Variants in NHSL1 observed in about 807,000 individuals in gnomAD.
The protein encoded by NHSL1 is NHS like 1.
NHSL1 carries 48 observed loss-of-function variants against 95.0 expected under a neutral mutation model. The ratio of observed to expected loss-of-function variants is 0.51; its 90% CI spans 0.40 to 0.64. The LOEUF (loss-of-function observed/expected upper bound fraction) is 0.64. Among genes scored for constraint, NHSL1 ranks in the 30% least tolerant of loss-of-function variants. The pLI, the probability that NHSL1 is intolerant of heterozygous loss-of-function variation, is 0.00. For missense variants in NHSL1, 1,971 were observed against 2,077.7 expected (o/e 0.95, Z 1.00); for synonymous variants, 783 against 833.9 (o/e 0.94, Z 1.05).
chr6:138,633,003 G>A (rs192400007), intron 1 of NHSL1, among the ~76,000 whole-genome samples: 16 of 152,128 alleles, frequency 1.1e-4, no homozygotes, highest in Admixed American at 9.2e-4. Context: ...TTAACAAAGA[G>A]ATTGAAATAA....
At chr6:138,441,433 A>T (rs757324572) in intron 5 of NHSL1, among the ~76,000 whole-genome samples, 3 of 152,246 alleles carry the variant, frequency 2.0e-5, no homozygotes, top group African/African-American at 2.4e-5. Flanking sequence ...AACAAAAAGA[A>T]TTAAGGATAA....
At chr6:138,511,487 A>G (rs1402462376) in intron 1 of NHSL1, among the ~76,000 whole-genome samples, 2 of 151,798 alleles carry the variant, frequency 1.3e-5, no homozygotes, top group African/African-American at 4.8e-5. Context: ...GGGTCTCCCA[A>G]TGTTGCCCAT....
intron 1 of NHSL1, among the ~76,000 whole-genome samples, chr6:138,658,202 AC>A (rs1394772156): frequency 6.6e-6 from 1 of 152,202 alleles, no homozygotes. Context: ...AAGGTGTACA[AC>A]ACGATTTGAT....
At chr6:138,558,392 G>A (rs1236217192) in intron 1 of NHSL1, among the ~76,000 whole-genome samples, 2 of 150,590 alleles carry the variant, frequency 1.3e-5, no homozygotes, top group Non-Finnish European at 2.9e-5. Flanking sequence ...AAAGTGCTGG[G>A]ATTACAGGGG....
chr6:138,490,179 T>C (rs188043082), intron 2 of NHSL1, among the ~76,000 whole-genome samples: 52 of 152,172 alleles, frequency 3.4e-4, no homozygotes, highest in Admixed American at 5.9e-4. Context: ...GAAAAAAAGA[T>C]GAAGAATTCA....
intron 1 of NHSL1, among the ~76,000 whole-genome samples, chr6:138,621,800 T>C (rs138384503): frequency 1.1e-3 from 161 of 152,268 alleles, no homozygotes; most frequent in Non-Finnish European, 1.9e-3. Flanking sequence ...ACCCAGTCTG[T>C]ACAAAACCCA....
At position 138,580,197 on chromosome 6, in the gene NHSL1, A is replaced by G. The variant is rs554042845; in HGVS notation, c.97-83826T>C. 1.2e-4 allele frequency among the ~76,000 whole-genome samples: 18 copies of G among 152,374 alleles called. No homozygotes were observed. In the South Asian group the frequency reaches 3.7e-3, roughly 32 times the overall value. On this transcript the variant is annotated intron_variant, in intron 1 of 3. Coordinates refer to the NHSL1 transcript ENST00000491526. ...CAGAAACGGCAAAGAGCCCAGTTAC[A>G]GGGATCAGTTCAAATATTTATTGAT...
chr6:138,641,622 C>CAAAAAAAAA (rs771307557), intron 1 of NHSL1, among the ~76,000 whole-genome samples: 1 of 76,436 alleles, frequency 1.3e-5, no homozygotes, highest in African/African-American at 4.7e-5. Context: ...GACTCCGTCT[C>CAAAAAAAAA]AAAAAAAAAA....
intron 1 of NHSL1, among the ~76,000 whole-genome samples, chr6:138,611,795 T>C (rs1331064984): frequency 6.6e-6 from 1 of 150,818 alleles, no homozygotes; most frequent in Non-Finnish European, 1.5e-5. Flanking sequence ...CCTAAAGACC[T>C]AGAAATAAAT....
At chr6:138,504,243 AAGAG>A (rs145966165), upstream of NHSL1, among the ~76,000 whole-genome samples, 6 of 151,488 alleles carry the variant, frequency 4.0e-5, no homozygotes, top group Non-Finnish European at 1.5e-5. Context: ...TCTTAAAAGA[AAGAG>A]AGAGAGAGAG....
chr6:138,546,322 G>A (rs960321862), upstream of NHSL1, among the ~76,000 whole-genome samples: 7 of 150,382 alleles, frequency 4.7e-5, no homozygotes, highest in Non-Finnish European at 8.8e-5. Flanking sequence ...CGGACATGGT[G>A]GCTCACACCT....
At chr6:138,675,921 G>A (rs1785443063) in intron 1 of NHSL1, among the ~76,000 whole-genome samples, 1 of 152,200 alleles carries the variant, frequency 6.6e-6, no homozygotes, top group Non-Finnish European at 1.5e-5. Context: ...GTTGCCCTAT[G>A]CCTGGTCATG....
chr6:138,432,050 C>A lies in NHSL1; in HGVS notation c.2295G>T (p.Ser765=), dbSNP rs80292692. Residue 765 remains serine (S), a synonymous_variant, in exon 6 of 8, where the codon TCG becomes TCT. Transcript: ENST00000343505. The surrounding 1 kb of genome is among the most constrained non-coding windows in gnomAD (Gnocchi z 4.4). ...NVYSLCGATP[S]QSDTSSVKSE... ...ACTTGACGCTGCTTGTGTCACTCTG[C>A]GATGGCGTGGCCCCGCACAGGGAGT... 1.9e-6 allele frequency: 3 copies of A among 1,551,692 alleles called. No homozygotes were observed. Among genetic ancestry groups the A allele is most frequent in the Admixed American group, 3.9e-5 (2 of 51,010 alleles).
intron 2 of NHSL1, among the ~76,000 whole-genome samples, chr6:138,478,365 A>C (rs992981286): frequency 5.9e-5 from 9 of 152,158 alleles, no homozygotes; most frequent in African/African-American, 2.2e-4. Context: ...AGACAATATA[A>C]ATTCATGGCA....
In NHSL1 at chr6:138,493,099, T is replaced by C. The variant is rs554835994; in HGVS notation, c.211+3120A>G. 4.6e-5 allele frequency among the ~76,000 whole-genome samples: 7 copies of C among 152,328 alleles called. No individual in the cohort carries two copies. In the South Asian group the frequency reaches 1.2e-3, roughly 27 times the overall value. On this transcript the variant is annotated intron_variant, in intron 2 of 7. Transcript: ENST00000343505. Reference sequence around the variant, plus strand: ...AGGGGAAGAGGTACGTGAAGTTCTGTACATGTGGTTAAAAGTAAATAACTG... The same window carrying C: ...AGGGGAAGAGGTACGTGAAGTTCTGCACATGTGGTTAAAAGTAAATAACTG...
intron 1 of NHSL1, among the ~76,000 whole-genome samples, chr6:138,606,702 CTT>C (rs777156294): frequency 8.9e-5 from 11 of 123,386 alleles, no homozygotes; most frequent in Admixed American, 1.8e-4. Flanking sequence ...TTCTTTCTTT[CTT>C]TTTTTTTTTT....
intron 1 of NHSL1, among the ~76,000 whole-genome samples, chr6:138,590,086 C>A (rs1338129588): frequency 6.6e-6 from 1 of 152,202 alleles, no homozygotes; most frequent in Non-Finnish European, 1.5e-5. Flanking sequence ...CAACCTCTGC[C>A]TCCTGGGTTC....
chr6:138,444,273 A>T (rs1583180385), intron 4 of NHSL1, among the ~76,000 whole-genome samples: 1 of 140,486 alleles, frequency 7.1e-6, no homozygotes. Context: ...CTTTTAAATT[A>T]AAAAAAAAAA....
chr6:138,524,367 C>A, intron 1 of NHSL1, among the ~76,000 whole-genome samples: 1 of 152,164 alleles, frequency 6.6e-6, no homozygotes, highest in East Asian at 1.9e-4. Context: ...CTCCCAAGAC[C>A]TCCTGTTCAT....
Sources: gnomAD v4.1 joint callset for allele counts (sites outside exome capture counted in the v4.1 genomes callset) on GRCh38, gnomAD v4.1.1 for gene constraint, Gnocchi (gnomAD v3.1) non-coding constraint, MANE v1.5 for transcripts, NCBI Gene and HGNC (gene_info 2026-07-23, HGNC 2026-07-21) for gene names.